Variants in TCERG1L observed in about 807,000 individuals in gnomAD.
TCERG1L encodes transcription elongation regulator 1 like.
In TCERG1L, 37 loss-of-function variants were observed where a neutral mutation model predicts 56.3. That is an observed-to-expected ratio of 0.66 (90% CI 0.51 to 0.87). TCERG1L has a LOEUF of 0.87. Among genes scored for constraint, TCERG1L ranks in the 40% least tolerant of loss-of-function variants. The pLI is 0.00. For synonymous variants in TCERG1L, 324 were observed against 326.3 expected (o/e 0.99, Z 0.08); for missense variants, 799 against 774.2 (o/e 1.03, Z -0.38).
chr10:131,264,065 G>A (rs545871315), intron 3 of TCERG1L, among the ~76,000 whole-genome samples: 1 of 151,482 alleles, frequency 6.6e-6, no homozygotes, highest in Non-Finnish European at 1.5e-5. Flanking sequence ...GCTGAAACAC[G>A]CAAAGCCCCT....
At chr10:131,243,892 C>A (rs934137949) in intron 4 of TCERG1L, among the ~76,000 whole-genome samples, 1 of 152,184 alleles carries the variant, frequency 6.6e-6, no homozygotes, top group Non-Finnish European at 1.5e-5. Flanking sequence ...CAACTGAGCC[C>A]AGCTCAAATT....
intron 3 of TCERG1L, among the ~76,000 whole-genome samples, chr10:131,285,612 C>T (rs1212854377): frequency 6.6e-6 from 1 of 151,902 alleles, no homozygotes; most frequent in African/African-American, 2.4e-5. Flanking sequence ...CAGCTTCACA[C>T]AAGAACGTGG....
At chr10:131,190,325 C>T (rs1309870559) in intron 4 of TCERG1L, among the ~76,000 whole-genome samples, 8 of 152,192 alleles carry the variant, frequency 5.3e-5, no homozygotes, top group Admixed American at 3.3e-4. Flanking sequence ...GATGGATTCA[C>T]AGCTGCATTC....
intron 9 of TCERG1L, among the ~76,000 whole-genome samples, chr10:131,107,956 TACACACACACACAC>T (rs59364659): frequency 4.1e-5 from 6 of 146,766 alleles, no homozygotes; most frequent in Admixed American, 6.8e-5. Context: ...CATGTGTGCC[TACACACACACACAC>T]ACACACACAC....
At chr10:131,193,930 C>T (rs1434971513) in intron 4 of TCERG1L, among the ~76,000 whole-genome samples, 1 of 152,196 alleles carries the variant, frequency 6.6e-6, no homozygotes, top group Non-Finnish European at 1.5e-5. Context: ...TCACTGAGCC[C>T]CCACAGGGGG....
At chr10:131,278,430 C>T (rs1846416483) in intron 3 of TCERG1L, among the ~76,000 whole-genome samples, 1 of 151,422 alleles carries the variant, frequency 6.6e-6, no homozygotes, top group African/African-American at 2.4e-5. Context: ...CTCTGCCTCC[C>T]GGGTTCAAGC....
chr10:131,149,844 C>G lies in TCERG1L; in HGVS notation c.1035-3184G>C, dbSNP rs142139062. On this transcript the variant is annotated intron_variant, in intron 6 of 11. Coordinates refer to ENST00000368642, the MANE Select transcript of TCERG1L (RefSeq NM_174937.4). Reference sequence around the variant, plus strand: ...GAGTGAAGAAACCCTGAGCCCGCCTCCTCATGCTGTATGTCTCATGCCCAG... The same window carrying G: ...GAGTGAAGAAACCCTGAGCCCGCCTGCTCATGCTGTATGTCTCATGCCCAG... Among the ~76,000 whole-genome samples the G allele has an allele frequency of 1.2e-4, 19 of 152,314 alleles. No individual in the cohort carries two copies. The East Asian group carries it at 3.7e-3, about 29-fold the overall frequency.
chr10:131,116,854 A>AGGATCTGCGG lies in TCERG1L; in HGVS notation c.1330_1339dup (p.Leu447ProfsTer39). 2 of 1,585,414 alleles carry AGGATCTGCGG rather than the reference A, an allele frequency of 1.3e-6. No homozygotes were observed. Among genetic ancestry groups the AGGATCTGCGG allele is most frequent in the Non-Finnish European group, 1.7e-6 (2 of 1,166,594 alleles). ...GGTCACACGCTCCTCCAGAGGCAGG[A>AGGATCTGCGG]GGATCTGCGGGGGCGGCGTCCTTGT... On this transcript the variant is annotated frameshift_variant, in exon 9 of 12. Coordinates refer to ENST00000368642, the MANE Select transcript of TCERG1L (RefSeq NM_174937.4). LOFTEE classifies it high-confidence loss of function.
In TCERG1L at chr10:131,146,634, C is replaced by T. The variant is rs145173247; in HGVS notation, c.1061G>A (p.Arg354Gln). The change falls in exon 7 of 12, where the codon CGA becomes CAA. Residue 354 changes from arginine to glutamine, a missense_variant. Coordinates refer to ENST00000368642, the MANE Select transcript of TCERG1L (RefSeq NM_174937.4). ...CATCGTTGGGTTGAAGAAGAAAACT[C>T]GGTCATCGCCCGTCCAGACCACACA... ...PWCVVWTGDD[R>Q]VFFFNPTMHL... is the part of the protein sequence containing the mutation. 320 of 1,613,642 alleles carry T rather than the reference C, an allele frequency of 2.0e-4. 3 individuals are homozygous for T. The highest frequency in any genetic ancestry group is 1.5e-3 in the Middle Eastern group (9 of 6,062).
At chr10:131,105,780 A>G (rs1034316087) in intron 9 of TCERG1L, among the ~76,000 whole-genome samples, 23 of 152,156 alleles carry the variant, frequency 1.5e-4, no homozygotes, top group African/African-American at 4.6e-4. Context: ...TTATATTGCT[A>G]CGGACTCATG....
chr10:131,116,729 G>A (rs1015974041), intron 9 of TCERG1L, 70 bp downstream of exon 9: 26 of 1,534,892 alleles, frequency 1.7e-5, no homozygotes, highest in Non-Finnish European at 2.2e-5. Flanking sequence ...CCTCAGGCAG[G>A]GACGGCCACT....
chr10:131,218,529 T>C (rs1845697838), intron 4 of TCERG1L, among the ~76,000 whole-genome samples: 3 of 152,158 alleles, frequency 2.0e-5, no homozygotes. Context: ...GTTTCGTTCT[T>C]GTTGCCCAGG....
chr10:131,178,785 G>C (rs1190465618), intron 4 of TCERG1L, among the ~76,000 whole-genome samples: 1 of 152,180 alleles, frequency 6.6e-6, no homozygotes, highest in African/African-American at 2.4e-5. Context: ...CCAGGATGAA[G>C]ATCTGGCTCT....
Position 131,311,365 on chromosome 10 carries a change from G to A in TCERG1L, c.271C>T (p.Leu91=), listed in dbSNP as rs1204076221. ...GAGTCTGGCGCAGAGGGCAGCGGCA[G>A]CAGCGGGAGCACCGGCTCGCTCGGG... ...PAPSEPVLPL[L]PLPSAPDSAA... is the part of the protein sequence containing the mutation. The change falls in exon 1 of 12, where the codon CTG becomes TTG. Residue 91 remains leucine (L), a synonymous_variant. Transcript: ENST00000368642. The surrounding 1 kb of genome is among the most constrained non-coding windows in gnomAD (Gnocchi z 4.0). 2 of 1,198,318 alleles carry A rather than the reference G, an allele frequency of 1.7e-6. No homozygotes were observed. Among genetic ancestry groups the A allele is most frequent in the Non-Finnish European group, 2.1e-6 (2 of 968,008 alleles). The allele number at this position is 1,198,318 out of a possible 1,614,324, so 74.2% of individuals were successfully genotyped here. A position where few individuals can be genotyped will look rare whatever the true frequency, so the allele number is the denominator to read the frequency against.
intron 4 of TCERG1L, among the ~76,000 whole-genome samples, chr10:131,198,682 C>T (rs1224316564): frequency 6.6e-6 from 1 of 152,204 alleles, no homozygotes; most frequent in Non-Finnish European, 1.5e-5. Context: ...CAGGCTGATG[C>T]TGCATGCTGG....
chr10:131,224,241 T>A (rs1422364276), intron 4 of TCERG1L, among the ~76,000 whole-genome samples: 1 of 152,100 alleles, frequency 6.6e-6, no homozygotes, highest in Non-Finnish European at 1.5e-5. Flanking sequence ...TGCCCCTACA[T>A]GCTCCTGCCC....
At position 131,308,296 on chromosome 10, in the gene TCERG1L, T is replaced by C; in HGVS notation, c.585A>G (p.Ala195=). 1 of 1,614,026 alleles carries C rather than the reference T, an allele frequency of 6.2e-7. No homozygotes were observed. Among genetic ancestry groups the C allele is most frequent in the Non-Finnish European group, 8.5e-7 (1 of 1,179,904 alleles). The part of the protein sequence containing the change: ...FHGHEKPRLL[A]NQVAVSLSRP... ...TGGACAGAGACACAGCTACTTGATT[T>C]GCCAGCAAACGAGGCTTTTCATGCC... The change falls in exon 3 of 12, where the codon GCA becomes GCG. Residue 195 remains alanine (A), a synonymous_variant. Coordinates refer to ENST00000368642, the MANE Select transcript of TCERG1L (RefSeq NM_174937.4).
intron 3 of TCERG1L, among the ~76,000 whole-genome samples, chr10:131,274,134 A>G (rs938485216): frequency 6.6e-6 from 1 of 152,192 alleles, no homozygotes; most frequent in Non-Finnish European, 1.5e-5. Context: ...TGTCTTGCAC[A>G]CAACTCATGG....
chr10:131,309,898 T>G lies in TCERG1L; in HGVS notation c.343-599A>C, dbSNP rs373372342. On this transcript the variant is annotated intron_variant, in intron 1 of 11. Coordinates refer to ENST00000368642, the MANE Select transcript of TCERG1L (RefSeq NM_174937.4). ...AAGTTGAAGATCTCAATACACAGAA[T>G]AAAACATCAGTCATGGAAAGGGGCT... Among the ~76,000 whole-genome samples the G allele has an allele frequency of 2.7e-4, 27 of 100,294 alleles. No individual in the cohort carries two copies. The East Asian group carries it at 7.1e-3, about 26-fold the overall frequency. The allele number at this position is 100,294 out of a possible 152,430, so 65.8% of individuals were successfully genotyped here. A position where few individuals can be genotyped will look rare whatever the true frequency, so the allele number is the denominator to read the frequency against.
Sources: allele counts gnomAD v4.1 joint callset (sites outside exome capture counted in the v4.1 genomes callset), GRCh38; gene constraint gnomAD v4.1.1; non-coding constraint Gnocchi (gnomAD v3.1); transcripts MANE v1.5; gene names NCBI Gene and HGNC (gene_info 2026-07-23, HGNC 2026-07-21).